Variants in DCP2 observed in about 807,000 individuals in gnomAD.
DCP2 encodes the protein m7GpppN-mRNA hydrolase.
In DCP2, 30 loss-of-function variants were observed where a neutral mutation model predicts 56.1. That is an observed-to-expected ratio of 0.53 (90% CI 0.40 to 0.73). The LOEUF is 0.73. Ranked by LOEUF, DCP2 falls within the 30% of genes least tolerant of loss-of-function variation. The probability of loss-of-function intolerance (pLI) is 0.00; values close to 1 mark genes in which losing one functional copy is unlikely to be tolerated. For missense variants in DCP2, 533 were observed against 502.7 expected (o/e 1.06, Z -0.58); for synonymous variants, 197 against 163.3 (o/e 1.21, Z -1.57).
intron 1 of DCP2, among the ~76,000 whole-genome samples, 199 bp downstream of exon 1, chr5:112,977,185 C>T (rs551390767): frequency 6.6e-6 from 1 of 152,200 alleles, no homozygotes; most frequent in Admixed American, 6.5e-5. Flanking sequence ...TTCTCAAGGC[C>T]CTCCGTCCTT....
At chr5:112,978,712 A>C (rs1162869757) in intron 1 of DCP2, among the ~76,000 whole-genome samples, 1 of 151,984 alleles carries the variant, frequency 6.6e-6, no homozygotes, top group Non-Finnish European at 1.5e-5. Context: ...AAGAAACTGA[A>C]TTTGATATGT....
chr5:112,995,071 A>G (rs559845776), intron 4 of DCP2, among the ~76,000 whole-genome samples: 3 of 152,368 alleles, frequency 2.0e-5, no homozygotes, highest in South Asian at 2.1e-4. Flanking sequence ...GTGGTTTATT[A>G]TAGAAAAACC....
At chr5:113,010,342 G>A (rs1749629562) in intron 9 of DCP2, among the ~76,000 whole-genome samples, 1 of 151,192 alleles carries the variant, frequency 6.6e-6, no homozygotes, top group African/African-American at 2.4e-5. Flanking sequence ...CACTGTCTCT[G>A]GCCACCTCAG....
chr5:112,986,472 C>T (rs1180306640), intron 2 of DCP2, among the ~76,000 whole-genome samples: 1 of 151,900 alleles, frequency 6.6e-6, no homozygotes, highest in Admixed American at 6.6e-5. Flanking sequence ...GTGGCTGTGA[C>T]TACAGGCATG....
chr5:113,011,781 T>C (rs1292424384), intron 10 of DCP2, among the ~76,000 whole-genome samples: 11 of 152,216 alleles, frequency 7.2e-5, no homozygotes, highest in Non-Finnish European at 1.5e-5. Flanking sequence ...AAAAAGTCAT[T>C]GTGAAGATGG....
intron 1 of DCP2, among the ~76,000 whole-genome samples, chr5:112,983,399 A>G (rs73229009): frequency 0.023 from 3,556 of 152,226 alleles, 120 homozygotes; most frequent in African/African-American, 0.077. Context: ...TGTAATTGAT[A>G]TGGGGGGTAT....
At chr5:113,007,188 A>G (rs1435010886) in intron 8 of DCP2, among the ~76,000 whole-genome samples, 1 of 152,162 alleles carries the variant, frequency 6.6e-6, no homozygotes, top group Non-Finnish European at 1.5e-5. Context: ...AACTTTGTAA[A>G]AATTAATACT....
intron 10 of DCP2, among the ~76,000 whole-genome samples, chr5:113,012,273 T>G (rs531047540): frequency 6.6e-6 from 1 of 152,216 alleles, no homozygotes; most frequent in East Asian, 1.9e-4. Context: ...GGCAAAAAGG[T>G]CACTTGCGCC....
At chr5:112,978,573 C>T (rs1747839476) in intron 1 of DCP2, among the ~76,000 whole-genome samples, 1 of 151,818 alleles carries the variant, frequency 6.6e-6, no homozygotes, top group Non-Finnish European at 1.5e-5. Flanking sequence ...CCTAATTTTG[C>T]AACTAATACA....
At chr5:112,984,692 AAAAAAAAAAAAAT>A (rs1183436857) in intron 1 of DCP2, 1 of 104,872 alleles carries the variant, frequency 9.5e-6, no homozygotes, top group African/African-American at 4.9e-5. Flanking sequence ...TAATTAAAAA[AAAAAAAAAAAAAT>A]ATATATATAT....
At position 113,018,764 on chromosome 5, in the gene DCP2, C is replaced by T. The variant is rs897210597; in HGVS notation, c.*5280C>T. The T allele has an allele frequency of 1.3e-5, 2 of 152,104 alleles. No homozygotes were observed. Among genetic ancestry groups the T allele is most frequent in the African/African-American group, 4.8e-5 (2 of 41,404 alleles). The allele number at this position is 152,104 out of a possible 1,614,324, so 9.4% of individuals were successfully genotyped here. On this transcript the variant is annotated 3_prime_UTR_variant, in exon 11 of 11. Coordinates refer to ENST00000389063, the MANE Select transcript of DCP2 (RefSeq NM_152624.6). ...TGGCCAGGAAAAAGTCCATTGAGTC[C>T]TTTTTTTCTCCCTGGTGTCTTACCC...
intron 1 of DCP2, among the ~76,000 whole-genome samples, chr5:112,983,424 A>G (rs902954707): frequency 6.6e-6 from 1 of 152,226 alleles, no homozygotes; most frequent in African/African-American, 2.4e-5. Context: ...TTAAAAAAAT[A>G]GAGACGGGGT....
At chr5:112,986,901 G>T (rs1748315564) in intron 2 of DCP2, among the ~76,000 whole-genome samples, 1 of 152,164 alleles carries the variant, frequency 6.6e-6, no homozygotes, top group Admixed American at 6.5e-5. Context: ...TGCTCGGGAG[G>T]CTGAGGCAGG....
intron 8 of DCP2, among the ~76,000 whole-genome samples, chr5:113,004,850 A>G (rs116555248): frequency 0.022 from 3,392 of 150,966 alleles, 48 homozygotes; most frequent in African/African-American, 0.031. Context: ...GGGCTTGGCC[A>G]GGCGTGGTGG....
At chr5:112,984,167 A>G (rs1399658273) in intron 1 of DCP2, 1 of 152,248 alleles carries the variant, frequency 6.6e-6, no homozygotes, top group African/African-American at 2.4e-5. Context: ...TCAGAAGACT[A>G]GAAGTCTTAA....
Position 113,021,428 on chromosome 5 carries a change from G to T in DCP2, c.*7944G>T, listed in dbSNP as rs994352547. On this transcript the variant is annotated 3_prime_UTR_variant, in exon 11 of 11. Transcript: ENST00000389063. The stretch of plus-strand genomic sequence containing the variant: ...AACCCCCAGGAAGAAATATTGTCGA[G>T]AGTCTCTGCAAAAATGAAAATACCT... 1.4e-5 allele frequency among the ~76,000 whole-genome samples: 2 copies of T among 147,852 alleles called. No individual in the cohort carries two copies. The highest frequency in any genetic ancestry group is 3.0e-5 in the Non-Finnish European group (2 of 67,160).
intron 10 of DCP2, among the ~76,000 whole-genome samples, chr5:113,012,247 C>T (rs1749706294): frequency 6.6e-6 from 1 of 152,128 alleles, no homozygotes; most frequent in African/African-American, 2.4e-5. Context: ...GTAGTCCCAG[C>T]TACTTAAGAG....
chr5:113,010,845 T>C, intron 10 of DCP2, 38 bp downstream of exon 10: 1 of 1,578,756 alleles, frequency 6.3e-7, no homozygotes, highest in Non-Finnish European at 8.6e-7. Context: ...CTCTGCCTTG[T>C]GGGATTTGGT....
chr5:113,011,525 A>G (rs979147804), intron 10 of DCP2, among the ~76,000 whole-genome samples: 2 of 152,204 alleles, frequency 1.3e-5, no homozygotes, highest in African/African-American at 2.4e-5. Context: ...TCATTTATTC[A>G]CCATCTAAAT....
Sources: gnomAD v4.1 joint callset for allele counts (sites outside exome capture counted in the v4.1 genomes callset) on GRCh38, gnomAD v4.1.1 for gene constraint, MANE v1.5 for transcripts, NCBI Gene and HGNC (gene_info 2026-07-23, HGNC 2026-07-21) for gene names.